The following NFIA variants were observed in gnomAD, a reference collection of about 807,000 sequenced individuals.
NFIA encodes the protein nuclear factor 1 A-type.
NFIA carries 8 observed loss-of-function variants against 62.8 expected under a neutral mutation model. The ratio of observed to expected loss-of-function variants is 0.13; its 90% CI spans 0.07 to 0.23. NFIA has a LOEUF of 0.23. Among genes scored for constraint, NFIA ranks in the 10% least tolerant of loss-of-function variants. The pLI is 1.00. For missense variants in NFIA, 410 were observed against 642.1 expected (o/e 0.64, Z 3.91); for synonymous variants, 235 against 238.1 (o/e 0.99, Z 0.12).
At chr1:61,167,987 T>TA (rs1253986640) in intron 2 of NFIA, among the ~76,000 whole-genome samples, 1 of 152,204 alleles carries the variant, frequency 6.6e-6, no homozygotes, top group Non-Finnish European at 1.5e-5. Context: ...TGCCAGTTGA[T>TA]ACCTTGCATG....
chr1:61,420,918 C>T (rs961003872), intron 9 of NFIA, among the ~76,000 whole-genome samples: 3 of 152,176 alleles, frequency 2.0e-5, no homozygotes, highest in Non-Finnish European at 2.9e-5. Flanking sequence ...ATCCCTGATC[C>T]TTAAAATACT....
rs1032171680 is a variant in NFIA at position 61,423,533 on chromosome 1, A to G, written c.1421-2932A>G. On this transcript the variant is annotated intron_variant, in intron 9 of 10. Transcript: ENST00000403491. ...CTGTTGTAAATAAGGCAAGAATTGT[A>G]ATTAAGAAAGATATGAATATGATAT... Among the ~76,000 whole-genome samples, 4 of 152,314 alleles carry G rather than the reference A, an allele frequency of 2.6e-5. No individual in the cohort carries two copies. In the East Asian group the frequency reaches 7.7e-4, roughly 29 times the overall value.
intron 4 of NFIA, among the ~76,000 whole-genome samples, chr1:61,347,099 T>A (rs1202222851): frequency 6.6e-6 from 1 of 151,388 alleles, no homozygotes; most frequent in Non-Finnish European, 1.5e-5. Context: ...ATCAGTTGCC[T>A]TGTGATTGTT....
At position 61,341,060 on chromosome 1, in the gene NFIA, C is replaced by CTTTT. The variant is rs35203949; in HGVS notation, c.700+8492_700+8495dup. 1.2e-3 allele frequency among the ~76,000 whole-genome samples: 132 copies of CTTTT among 108,782 alleles called. 2 individuals carry two copies. The highest frequency in any genetic ancestry group is 3.7e-3 in the African/African-American group (101 of 27,622). The allele number at this position is 108,782 out of a possible 152,430, so 71.4% of individuals were successfully genotyped here. ...CACCTGGGTCATCTGTACCGGCATT[C>CTTTT]TTTTTTTTTTTTTTTTTTTTTGAGA... On this transcript the variant is annotated intron_variant, in intron 4 of 10. Coordinates refer to ENST00000403491, the MANE Select transcript of NFIA (RefSeq NM_001134673.4).
At chr1:61,122,093 G>T (rs1411838718) in intron 2 of NFIA, among the ~76,000 whole-genome samples, 1 of 152,214 alleles carries the variant, frequency 6.6e-6, no homozygotes, top group African/African-American at 2.4e-5. Context: ...TTTTGTGATT[G>T]TGAATGGGAG....
intron 3 of NFIA, among the ~76,000 whole-genome samples, chr1:61,319,788 TAAACAC>T (rs1660569407): frequency 1.3e-5 from 1 of 78,756 alleles, no homozygotes; most frequent in Admixed American, 1.7e-4. Context: ...CTGGAAGAAT[TAAACAC>T]ACACACACAC....
intron 2 of NFIA, among the ~76,000 whole-genome samples, chr1:61,127,569 C>T (rs1235214008): frequency 6.6e-6 from 1 of 152,036 alleles, no homozygotes; most frequent in Admixed American, 6.6e-5. Context: ...ATTCATATAG[C>T]TCAGCCATCA....
chr1:61,413,872 C>T (rs953772725), intron 9 of NFIA, among the ~76,000 whole-genome samples: 5 of 152,120 alleles, frequency 3.3e-5, no homozygotes, highest in African/African-American at 7.2e-5. Flanking sequence ...GTGATCCACC[C>T]GCCTCAACCT....
chr1:61,403,246 C>T (rs929967610), intron 7 of NFIA, among the ~76,000 whole-genome samples: 5 of 152,210 alleles, frequency 3.3e-5, no homozygotes, highest in African/African-American at 4.8e-5. Context: ...ATGCACTGCT[C>T]TTATCCTCCA....
At chr1:61,119,289 C>T (rs867653387) in intron 2 of NFIA, among the ~76,000 whole-genome samples, 54 of 152,292 alleles carry the variant, frequency 3.5e-4, no homozygotes, top group Middle Eastern at 3.4e-3. Context: ...GTTCCTGTGC[C>T]AAGTGCTCTT....
chr1:61,164,770 A>G (rs930843610), intron 2 of NFIA, among the ~76,000 whole-genome samples: 1 of 152,246 alleles, frequency 6.6e-6, no homozygotes, highest in African/African-American at 2.4e-5. Context: ...AAATGTCTCA[A>G]GCTTTCTAGC....
intron 3 of NFIA, among the ~76,000 whole-genome samples, chr1:61,288,476 G>A (rs551634587): frequency 6.6e-6 from 1 of 152,214 alleles, no homozygotes; most frequent in South Asian, 2.1e-4. Flanking sequence ...ACAGATTCAA[G>A]GAAAACAATT....
chr1:61,401,801 C>G (rs956076078), intron 7 of NFIA, among the ~76,000 whole-genome samples: 1 of 152,054 alleles, frequency 6.6e-6, no homozygotes, highest in African/African-American at 2.4e-5. Flanking sequence ...TAACTAGTGA[C>G]TATTCCATCA....
chr1:61,241,105 G>A (rs1372489112), intron 2 of NFIA, among the ~76,000 whole-genome samples: 2 of 151,994 alleles, frequency 1.3e-5, no homozygotes, highest in South Asian at 4.1e-4. Context: ...GGGACAGTCT[G>A]AAATATTGTG....
chr1:61,098,116 C>G (rs1646447668), intron 2 of NFIA, among the ~76,000 whole-genome samples: 1 of 152,122 alleles, frequency 6.6e-6, no homozygotes, highest in African/African-American at 2.4e-5. Context: ...CTGTTGCATA[C>G]TATTAAACAG....
intron 2 of NFIA, among the ~76,000 whole-genome samples, chr1:61,112,370 A>G (rs1441841562): frequency 6.6e-6 from 1 of 152,150 alleles, no homozygotes; most frequent in South Asian, 2.1e-4. Context: ...ATGTAGTAGT[A>G]CAGAGTAACC....
intron 3 of NFIA, among the ~76,000 whole-genome samples, chr1:61,315,144 GT>G (rs1256231397): frequency 6.6e-6 from 1 of 152,160 alleles, no homozygotes; most frequent in African/African-American, 2.4e-5. Flanking sequence ...ACGATTTACT[GT>G]ATAAGAGAGC....
intron 7 of NFIA, among the ~76,000 whole-genome samples, chr1:61,390,971 G>A (rs942205712): frequency 6.6e-6 from 1 of 152,210 alleles, no homozygotes; most frequent in African/African-American, 2.4e-5. Flanking sequence ...ATATTCAAAT[G>A]CATATATTCA....
Position 61,267,470 on chromosome 1 carries a change from T to C in NFIA, c.560-10050T>C, listed in dbSNP as rs533266558. On this transcript the variant is annotated intron_variant, in intron 2 of 10. Transcript: ENST00000403491. Reference sequence around the variant, plus strand: ...GTTGCAGTGAGCCGAGATTGCACCATTGCACTCCAGCCTGGGCAACAAAGG... The same window carrying C: ...GTTGCAGTGAGCCGAGATTGCACCACTGCACTCCAGCCTGGGCAACAAAGG... Among the ~76,000 whole-genome samples, 4 of 152,054 alleles carry C rather than the reference T, an allele frequency of 2.6e-5. No homozygotes were observed. The South Asian group carries it at 8.3e-4, about 32-fold the overall frequency.
Sources: gnomAD v4.1 joint callset for allele counts (sites outside exome capture counted in the v4.1 genomes callset) on GRCh38, gnomAD v4.1.1 for gene constraint, MANE v1.5 for transcripts, NCBI Gene and HGNC (gene_info 2026-07-23, HGNC 2026-07-21) for gene names.